The following ARSL variants were observed in gnomAD, a reference collection of about 807,000 sequenced individuals.
ARSL encodes the protein arylsulfatase L, also known as arylsulfatase E (chondrodysplasia punctata 1).
In ARSL, 4 loss-of-function variants were observed where a neutral mutation model predicts 31.1. The observed-to-expected ratio is 0.13, with a 90% CI of 0.06 to 0.29. The LOEUF (loss-of-function observed/expected upper bound fraction) is 0.29, where lower values mean the gene tolerates loss of function less well. Among genes scored for constraint, ARSL ranks in the 10% least tolerant of loss-of-function variants. ARSL has a pLI of 1.00. For synonymous variants in ARSL, 198 were observed against 209.9 expected (o/e 0.94, Z 0.49); for missense variants, 312 against 497.8 (o/e 0.63, Z 3.55).
At chrX:2,962,851 A>C (rs2089656507) in intron 1 of ARSL, among the ~76,000 whole-genome samples, 1 of 111,209 alleles carries the variant, frequency 9.0e-6, no homozygotes, top group African/African-American at 3.3e-5. Context: ...TGCGTATCTG[A>C]TTGCCTCCTT....
intron 3 of ARSL, among the ~76,000 whole-genome samples, chrX:2,958,040 AAAAT>A (rs1434343445): frequency 8.9e-6 from 1 of 111,850 alleles, no homozygotes; most frequent in Non-Finnish European, 1.9e-5. Flanking sequence ...ATAAAAAATA[AAAAT>A]AAATAAATAA....
chrX:2,955,309 C>A (rs923472126), intron 4 of ARSL, 107 bp downstream of exon 4: 21 of 987,856 alleles, frequency 2.1e-5, no homozygotes, highest in Non-Finnish European at 2.8e-5. Flanking sequence ...AGAGAACACC[C>A]CCCAGTCTCT....
intron 3 of ARSL, among the ~76,000 whole-genome samples, chrX:2,956,607 GC>G (rs750134320): frequency 9.5e-4 from 105 of 110,416 alleles, no homozygotes; most frequent in African/African-American, 3.2e-3. Flanking sequence ...GATTACAGGT[GC>G]CCGCCACCAT....
chrX:2,936,526 T>C (rs2089204109), intron 10 of ARSL, among the ~76,000 whole-genome samples: 1 of 111,170 alleles, frequency 9.0e-6, no homozygotes, highest in African/African-American at 3.3e-5. Flanking sequence ...TTTAAGACGA[T>C]TGGCAGGTGA....
intron 8 of ARSL, among the ~76,000 whole-genome samples, chrX:2,942,622 C>G (rs965512333): frequency 2.7e-5 from 3 of 111,974 alleles, no homozygotes; most frequent in Non-Finnish European, 5.6e-5. Flanking sequence ...AGTCAATTTA[C>G]TTAGTCTCCA....
chrX:2,959,667 A>T (rs948222936), intron 2 of ARSL: 1 of 1,153,496 alleles, frequency 8.7e-7, no homozygotes, highest in Admixed American at 2.6e-5. Flanking sequence ...AAATCAAGGG[A>T]GCCTGGAGCA....
intron 10 of ARSL, among the ~76,000 whole-genome samples, chrX:2,935,687 C>CTTTTTT (rs1415076177): frequency 2.5e-5 from 1 of 39,736 alleles, no homozygotes; most frequent in African/African-American, 5.3e-5. Flanking sequence ...CTTTTCTTTT[C>CTTTTTT]TTTTCTTTTT....
At chrX:2,936,364 G>A (rs893685609) in intron 10 of ARSL, among the ~76,000 whole-genome samples, 1 of 111,439 alleles carries the variant, frequency 9.0e-6, no homozygotes, top group African/African-American at 3.3e-5. Context: ...TTGAACACAT[G>A]TGTGTGCAAG....
Position 2,946,057 on chromosome X carries a change from A to T in ARSL, c.932T>A (p.Leu311His). 1 of 1,210,400 alleles carries T rather than the reference A, an allele frequency of 8.3e-7. No individual in the cohort carries two copies. The highest frequency in any genetic ancestry group is 1.1e-6 in the Non-Finnish European group (1 of 894,514). ...ATACAGCCCGTGGAGACTCTTCCCG[A>T]GGAAGTTCTCCATAGTGATAAGAGG... Reference protein sequence around the residue: ...HIPLITMENFLGKSLHGLYGD... With the variant: ...HIPLITMENFHGKSLHGLYGD... The change falls in exon 7 of 11, where the codon CTC becomes CAC. Residue 311 changes from leucine to histidine, a missense_variant. Leu to His is a moderately conservative substitution (Grantham distance 99). Transcript: ENST00000381134.
At position 2,943,091 on chromosome X, in the gene ARSL, T is replaced by C. The variant is rs1373798912; in HGVS notation, c.1100A>G (p.Tyr367Cys). ...TTTATAAATTCCATTCCAGCCACCA[T>C]ACTGGGTGTTTCCAAGTTGATTCTC... ...SLENQLGNTQ[Y>C]GGWNGIYKGG... The change falls in exon 8 of 11, where the codon TAT (tyrosine) becomes TGT (cysteine). Residue 367 changes from tyrosine (Y) to cysteine (C), a missense_variant. Tyr to Cys is a radical substitution (Grantham distance 194). Coordinates refer to ENST00000381134, the MANE Select transcript of ARSL (RefSeq NM_000047.3). 2 of 1,209,084 alleles carry C rather than the reference T, an allele frequency of 1.7e-6. No individual in the cohort carries two copies. The highest frequency in any genetic ancestry group is 1.8e-5 in the African/African-American group (1 of 56,985).
In ARSL at chrX:2,938,220, G is replaced by A. The variant is rs145964787; in HGVS notation, c.1164C>T (p.Arg388=). ...CGGGCCAGCGGAAGATCCCGGGCAC[G>A]CGGATCCCACCTTCCCATCCTCCCA... ...KGMGGWEGGI[R]VPGIFRWPGV... Residue 388 remains arginine (R), a synonymous_variant, in exon 9 of 11, where the codon CGC becomes CGT. Coordinates refer to ENST00000381134, the MANE Select transcript of ARSL (RefSeq NM_000047.3). 27 of 1,210,712 alleles carry A rather than the reference G, an allele frequency of 2.2e-5. No individual in the cohort carries two copies. The highest frequency in any genetic ancestry group is 7.0e-5 in the South Asian group (4 of 56,871).
intron 10 of ARSL, among the ~76,000 whole-genome samples, chrX:2,935,902 G>T (rs1263215692): frequency 9.0e-6 from 1 of 110,499 alleles, no homozygotes; most frequent in Non-Finnish European, 1.9e-5. Context: ...ACATCTAGAT[G>T]CATAAAATAG....
intron 8 of ARSL, among the ~76,000 whole-genome samples, chrX:2,941,228 G>A (rs1450015608): frequency 2.0e-5 from 2 of 98,263 alleles, no homozygotes; most frequent in Non-Finnish European, 4.1e-5. Context: ...CTGCAAATAA[G>A]AACTTGGGTG....
rs149931412 is a variant in ARSL, at chrX:2,937,640, T to C, written c.1289+455A>G. On this transcript the variant is annotated intron_variant, in intron 9 of 10. Transcript: ENST00000381134. ...AAAAGAACTCCCCAAACCTCCATGATTTAGCAGGAGACAAGATAAGGGTAA... is the reference window on the plus strand; with the variant it reads ...AAAAGAACTCCCCAAACCTCCATGACTTAGCAGGAGACAAGATAAGGGTAA... 5.2e-3 allele frequency among the ~76,000 whole-genome samples: 574 copies of C among 110,747 alleles called. 5 individuals carry two copies. The highest frequency in any genetic ancestry group is 0.017 in the African/African-American group (524 of 30,434).
At chrX:2,943,361 G>T (rs2089308185) in intron 7 of ARSL, among the ~76,000 whole-genome samples, 162 bp from the exon 8 acceptor site, 1 of 111,603 alleles carries the variant, frequency 9.0e-6, no homozygotes, top group Admixed American at 9.6e-5. Context: ...ATCCTTTGTT[G>T]GAGATTGATG....
rs746761169 is a variant in ARSL, at chrX:2,957,220, C to CAAAAAAA, written c.185+1047_185+1053dup. 1.2e-3 allele frequency among the ~76,000 whole-genome samples: 107 copies of CAAAAAAA among 90,944 alleles called. 2 individuals carry two copies. Among genetic ancestry groups the CAAAAAAA allele is most frequent in the African/African-American group, 3.8e-3 (93 of 24,405 alleles). The allele number at this position is 90,944 out of a possible 115,157, so 79.0% of individuals were successfully genotyped here. A position where few individuals can be genotyped will look rare whatever the true frequency, so the allele number is the denominator to read the frequency against. On this transcript the variant is annotated intron_variant, in intron 3 of 10. Transcript: ENST00000381134. ...TGGGTGACAGAGCGAGACTCCGTCT[C>CAAAAAAA]AAAAAAAAAAAATTAATGTTTATAT... is the stretch of plus-strand genomic sequence containing the variant.
At position 2,941,586 on chromosome X, in the gene ARSL, C is replaced by T. The variant is rs753282128; in HGVS notation, c.1126+1479G>A. Among the ~76,000 whole-genome samples, 17 of 112,012 alleles carry T rather than the reference C, an allele frequency of 1.5e-4. 1 individual carries two copies. In the South Asian group the frequency reaches 2.6e-3, roughly 17 times the overall value. ...ATCCTTTATCTTAACCCAGACATTC[C>T]TTTCTGTTGATCCCAGGTCTTTAGA... On this transcript the variant is annotated intron_variant, in intron 8 of 10. Coordinates refer to ENST00000381134, the MANE Select transcript of ARSL (RefSeq NM_000047.3).
chrX:2,961,226 C>T (rs2089628740), intron 1 of ARSL, among the ~76,000 whole-genome samples: 1 of 110,946 alleles, frequency 9.0e-6, no homozygotes, highest in Non-Finnish European at 1.9e-5. Context: ...GAGGGGCGGC[C>T]CCTCAGTCTC....
rs967528691 is a variant in ARSL at position 2,957,838 on chromosome X, G to A, written c.185+436C>T. Among the ~76,000 whole-genome samples, 8 of 110,031 alleles carry A rather than the reference G, an allele frequency of 7.3e-5. No individual in the cohort carries two copies. The East Asian group carries it at 2.3e-3, about 32-fold the overall frequency. ...AGTTCGAGACGAGGCTGGGCAACAC[G>A]GCAAAACCCCACCTCTACAAGAAAC... On this transcript the variant is annotated intron_variant, in intron 3 of 10. Coordinates refer to ENST00000381134, the MANE Select transcript of ARSL (RefSeq NM_000047.3).
Sources: gnomAD v4.1 joint callset for allele counts (sites outside exome capture counted in the v4.1 genomes callset) on GRCh38, gnomAD v4.1.1 for gene constraint, MANE v1.5 for transcripts, NCBI Gene and HGNC (gene_info 2026-07-23, HGNC 2026-07-21) for gene names.